Variants in AFF2 observed in about 807,000 individuals in gnomAD.
The protein encoded by AFF2 is ALF transcription elongation factor 2.
A neutral mutation model predicts 76.9 loss-of-function variants in AFF2; 14 were observed. The observed-to-expected ratio is 0.18, with a 90% CI of 0.12 to 0.28. AFF2 has a LOEUF of 0.28. Ranked by LOEUF, AFF2 falls within the 10% of genes least tolerant of loss-of-function variation. AFF2 has a pLI of 1.00. For missense variants in AFF2, 868 were observed against 1,001.1 expected (o/e 0.87, Z 1.79); for synonymous variants, 398 against 366.7 (o/e 1.09, Z -0.98).
At chrX:148,874,247 G>A (rs1247354982) in intron 7 of AFF2, among the ~76,000 whole-genome samples, 3 of 111,821 alleles carry the variant, frequency 2.7e-5, no homozygotes, top group Non-Finnish European at 5.6e-5. Context: ...TTCCTCTACA[G>A]TGATTCTTTT....
Position 148,956,012 on chromosome X carries a change from A to T in AFF2, c.1967A>T (p.Lys656Ile). The part of the protein sequence containing the change: ...PKPNITSSTP[K>I]EKESVELHDP... ...CCAAATATTACCAGCAGCACTCCCA[A>T]AGAAAAAGAAAGTGTGGAGCTTCAT... Residue 656 changes from lysine to isoleucine, a missense_variant, in exon 11 of 21, where the codon AAA becomes ATA. By Grantham distance (102) the Lys-to-Ile change is moderately radical (BLOSUM62 -3). Coordinates refer to ENST00000370460, the MANE Select transcript of AFF2 (RefSeq NM_002025.4). 8.3e-7 allele frequency: 1 copy of T among 1,211,304 alleles called. No homozygotes were observed. Among genetic ancestry groups the T allele is most frequent in the South Asian group, 1.8e-5 (1 of 56,883 alleles).
At chrX:148,706,976 T>G (rs2054892917) in intron 3 of AFF2, among the ~76,000 whole-genome samples, 1 of 112,426 alleles carries the variant, frequency 8.9e-6, no homozygotes, top group African/African-American at 3.2e-5. Flanking sequence ...TCTTTCACTA[T>G]GTAGACATAG....
intron 9 of AFF2, among the ~76,000 whole-genome samples, chrX:148,907,486 G>A: frequency 8.9e-6 from 1 of 111,792 alleles, no homozygotes; most frequent in Non-Finnish European, 1.9e-5. Flanking sequence ...TAAAGGGAAA[G>A]AGTACAAAAG....
chrX:148,789,226 A>G (rs1264990749), intron 3 of AFF2, among the ~76,000 whole-genome samples: 1 of 112,259 alleles, frequency 8.9e-6, no homozygotes, highest in Admixed American at 9.5e-5. Flanking sequence ...CTAATTAAGC[A>G]TCTAGTCCTG....
chrX:148,951,440 C>T (rs1335548809), intron 9 of AFF2, among the ~76,000 whole-genome samples: 2 of 111,277 alleles, frequency 1.8e-5, no homozygotes, highest in African/African-American at 6.5e-5. Context: ...AGCAGGATGA[C>T]CAGCTTCGTA....
intron 19 of AFF2, among the ~76,000 whole-genome samples, chrX:148,985,662 T>A (rs1044231003): frequency 6.3e-5 from 7 of 111,122 alleles, no homozygotes; most frequent in African/African-American, 2.0e-4. Flanking sequence ...GTCATTTCAC[T>A]GTCTTCTGTG....
chrX:148,675,073 G>T lies in AFF2; in HGVS notation c.1041+12305G>T, dbSNP rs1427690206. ...GTCCATGTGTCTCTTTGGGGAGGGG[G>T]TGCTGAGAAAGCCAGTGGACTTCTG... On this transcript the variant is annotated intron_variant, in intron 3 of 20. Transcript: ENST00000370460. Among the ~76,000 whole-genome samples, 3 of 111,690 alleles carry T rather than the reference G, an allele frequency of 2.7e-5. No individual in the cohort carries two copies. In the Admixed American group the frequency reaches 2.8e-4, roughly 11 times the overall value.
At chrX:148,774,146 C>T (rs782318846) in intron 3 of AFF2, among the ~76,000 whole-genome samples, 135 of 111,628 alleles carry the variant, frequency 1.2e-3, no homozygotes, top group African/African-American at 4.4e-3. Flanking sequence ...AGTTTACATG[C>T]CAACTTTTCC....
At chrX:148,603,514 C>A (rs1242600672) in intron 1 of AFF2, among the ~76,000 whole-genome samples, 9 of 107,748 alleles carry the variant, frequency 8.4e-5, no homozygotes, top group Non-Finnish European at 1.5e-4. Flanking sequence ...CAGTCTAATT[C>A]TTTTGTGTTC....
chrX:148,912,816 G>A (rs1021262067), intron 9 of AFF2, among the ~76,000 whole-genome samples: 2 of 111,400 alleles, frequency 1.8e-5, no homozygotes, highest in Non-Finnish European at 3.8e-5. Context: ...GTCCCACCGA[G>A]TGAGATACAT....
At chrX:148,552,348 A>C (rs1420764914) in intron 1 of AFF2, among the ~76,000 whole-genome samples, 1 of 111,309 alleles carries the variant, frequency 9.0e-6, no homozygotes, top group African/African-American at 3.3e-5. Context: ...GTGTGTGTCA[A>C]CTCTGACTTG....
chrX:148,906,113 A>G (rs2071404813), intron 9 of AFF2, among the ~76,000 whole-genome samples: 1 of 112,519 alleles, frequency 8.9e-6, no homozygotes, highest in African/African-American at 3.2e-5. Context: ...TACCAAACTC[A>G]GCACTTGAAG....
intron 1 of AFF2, among the ~76,000 whole-genome samples, chrX:148,612,176 G>C (rs984248318): frequency 1.8e-5 from 2 of 111,756 alleles, no homozygotes; most frequent in Non-Finnish European, 3.8e-5. Flanking sequence ...TTTGTGGTAA[G>C]CTATACACCA....
intron 4 of AFF2, among the ~76,000 whole-genome samples, chrX:148,823,892 G>A (rs1335229120): frequency 8.9e-6 from 1 of 111,871 alleles, no homozygotes. Flanking sequence ...AGGGACCCAT[G>A]TACTCCTAAC....
chrX:148,805,888 G>A (rs1308216662), intron 3 of AFF2, among the ~76,000 whole-genome samples: 9 of 112,385 alleles, frequency 8.0e-5, no homozygotes, highest in Non-Finnish European at 1.5e-4. Flanking sequence ...GGTCGTCTGG[G>A]GCCAGGAGTG....
intron 16 of AFF2, among the ~76,000 whole-genome samples, chrX:148,977,559 CCAGT>C (rs10605451): frequency 0.047 from 5,133 of 108,168 alleles, 279 homozygotes; most frequent in African/African-American, 0.16. Context: ...TCATTGAAAA[CCAGT>C]CATAGTATTT....
intron 1 of AFF2, among the ~76,000 whole-genome samples, chrX:148,618,905 C>T (rs781783896): frequency 7.6e-4 from 84 of 110,967 alleles, no homozygotes; most frequent in Admixed American, 1.8e-3. Context: ...GCTCATGACC[C>T]TAGACCCCAC....
chrX:148,901,874 T>C (rs1378127049), intron 8 of AFF2, among the ~76,000 whole-genome samples: 1 of 111,812 alleles, frequency 8.9e-6, no homozygotes, highest in African/African-American at 3.3e-5. Flanking sequence ...ATCATTTACT[T>C]GAGAGATTCA....
chrX:148,653,720 A>T (rs1557256690), intron 2 of AFF2, among the ~76,000 whole-genome samples: 1 of 111,407 alleles, frequency 9.0e-6, no homozygotes, highest in Non-Finnish European at 1.9e-5. Flanking sequence ...TAGAGTAAGG[A>T]AGTTGAAATT....
Sources: allele counts gnomAD v4.1 joint callset (sites outside exome capture counted in the v4.1 genomes callset), GRCh38; gene constraint gnomAD v4.1.1; transcripts MANE v1.5; gene names NCBI Gene and HGNC (gene_info 2026-07-23, HGNC 2026-07-21).